The following PREX2 variants were observed in gnomAD, a reference collection of about 807,000 sequenced individuals.
PREX2 encodes the protein phosphatidylinositol-3,4,5-trisphosphate dependent Rac exchange factor 2.
Under a neutral mutation model 203.2 loss-of-function variants are expected in PREX2, and 107 were observed. That is an observed-to-expected ratio of 0.53 (90% CI 0.45 to 0.62). PREX2 has a LOEUF of 0.62. PREX2 is among the 20% of genes least tolerant of loss of function. The pLI, the probability that PREX2 is intolerant of heterozygous loss-of-function variation, is 0.00. For synonymous variants in PREX2, 672 were observed against 663.6 expected, an observed-to-expected ratio of 1.01 and a Z score of -0.19; for missense variants, 1,777 against 1,955.9, an observed-to-expected ratio of 0.91 and a Z score of 1.72.
rs543432729 is a variant in PREX2 at position 68,149,619 on chromosome 8, C to T, written c.4231+3267C>T. ...TACAAAGAGGATAAATATTCAGGGCCACTTCTCTACACGCTCCCCACTGAC... is the reference window on the plus strand; with the variant it reads ...TACAAAGAGGATAAATATTCAGGGCTACTTCTCTACACGCTCCCCACTGAC... On this transcript the variant is annotated intron_variant, in intron 34 of 39. Transcript: ENST00000288368. Among the ~76,000 whole-genome samples the T allele has an allele frequency of 3.3e-5, 5 of 152,248 alleles. No individual in the cohort carries two copies. The South Asian group carries it at 1.0e-3, about 32-fold the overall frequency.
intron 5 of PREX2, among the ~76,000 whole-genome samples, chr8:68,028,799 G>T (rs1807803186): frequency 6.6e-6 from 1 of 152,058 alleles, no homozygotes; most frequent in African/African-American, 2.4e-5. Flanking sequence ...AGATTAAAAG[G>T]TTACATCATG....
chr8:68,005,188 A>T (rs1230595451), intron 1 of PREX2, among the ~76,000 whole-genome samples: 1 of 152,098 alleles, frequency 6.6e-6, no homozygotes, highest in African/African-American at 2.4e-5. Flanking sequence ...CGGGCCCAAA[A>T]TGTAGGCAGC....
At chr8:68,206,618 G>C (rs1585864596) in intron 37 of PREX2, among the ~76,000 whole-genome samples, 1 of 152,184 alleles carries the variant, frequency 6.6e-6, no homozygotes, top group South Asian at 2.1e-4. Context: ...TTGAATTCAA[G>C]ACTAGGGTTT....
chr8:68,043,473 G>C (rs534750791), intron 7 of PREX2, among the ~76,000 whole-genome samples: 23 of 152,202 alleles, frequency 1.5e-4, no homozygotes, highest in African/African-American at 5.5e-4. Flanking sequence ...ACCAGGGCAG[G>C]TATCTAACTG....
chr8:68,110,281 A>G (rs1810510776), intron 25 of PREX2, among the ~76,000 whole-genome samples: 1 of 152,250 alleles, frequency 6.6e-6, no homozygotes, highest in African/African-American at 2.4e-5. Flanking sequence ...ATCATGGTAT[A>G]GGACGATGCT....
chr8:68,219,644 T>A (rs1585872543), intron 38 of PREX2, among the ~76,000 whole-genome samples: 1 of 152,152 alleles, frequency 6.6e-6, no homozygotes, highest in African/African-American at 2.4e-5. Flanking sequence ...AGAAATAAGG[T>A]TTAACTTCTT....
At chr8:68,195,792 A>G (rs1166187652) in intron 37 of PREX2, among the ~76,000 whole-genome samples, 3 of 152,332 alleles carry the variant, frequency 2.0e-5, no homozygotes, top group South Asian at 2.1e-4. Flanking sequence ...TGGTATCTAC[A>G]TTAGATAGTC....
intron 20 of PREX2, among the ~76,000 whole-genome samples, chr8:68,090,981 C>G (rs982957128): frequency 5.9e-5 from 9 of 152,144 alleles, no homozygotes; most frequent in Admixed American, 5.9e-4. Flanking sequence ...GATACAAGTT[C>G]TATCAAATTG....
At chr8:67,969,481 C>G (rs1206872197) in intron 1 of PREX2, among the ~76,000 whole-genome samples, 13 of 151,920 alleles carry the variant, frequency 8.6e-5, no homozygotes, top group African/African-American at 2.9e-4. Context: ...GAGGGATGGA[C>G]CATCCCATAA....
chr8:68,206,995 G>A (rs866361150), intron 37 of PREX2, among the ~76,000 whole-genome samples: 2 of 152,186 alleles, frequency 1.3e-5, no homozygotes, highest in Admixed American at 6.5e-5. Context: ...TGGAGAGGAA[G>A]AATATATACT....
rs1809844973 is a variant in PREX2 at position 68,090,706 on chromosome 8, G to A, written c.2241G>A (p.Arg747=). 1 of 1,613,084 alleles carries A rather than the reference G, an allele frequency of 6.2e-7. No individual in the cohort carries two copies. The highest frequency in any genetic ancestry group is 1.3e-5 in the African/African-American group (1 of 75,034). ...AHVTACRKYR[R]PTKQDSIQWV... ...TTACAGCCTGCAGGAAGTACAGGCG[G>A]CCAACGAAGGTAAGTGGCCCTTCAG... The change falls in exon 20 of 40, where the codon CGG becomes CGA. Residue 747 remains arginine (R), a synonymous_variant. Transcript: ENST00000288368.
intron 1 of PREX2, among the ~76,000 whole-genome samples, chr8:67,962,630 A>C (rs1220147487): frequency 6.6e-6 from 1 of 150,668 alleles, no homozygotes; most frequent in African/African-American, 2.4e-5. Context: ...TTTTTGAGAT[A>C]GAGTCTTGCT....
chr8:68,069,976 A>G, intron 13 of PREX2, 92 bp downstream of exon 13: 2 of 664,094 alleles, frequency 3.0e-6, no homozygotes. Context: ...TTGTTGGCTT[A>G]TTTTGTTTTT....
chr8:68,146,017 G>A (rs1811319135), intron 33 of PREX2, among the ~76,000 whole-genome samples, 192 bp from the exon 34 acceptor site: 1 of 151,916 alleles, frequency 6.6e-6, no homozygotes, highest in South Asian at 2.1e-4. Context: ...CACATCCATT[G>A]CTTTAACTAT....
chr8:68,217,555 A>G, intron 37 of PREX2, 61 bp from the exon 38 acceptor site: 1 of 1,202,046 alleles, frequency 8.3e-7, no homozygotes, highest in South Asian at 1.2e-5. Context: ...AGTAATCCAC[A>G]TCATCTCAAA....
chr8:68,145,051 C>T (rs535787793), intron 33 of PREX2, among the ~76,000 whole-genome samples: 6 of 151,986 alleles, frequency 3.9e-5, no homozygotes, highest in South Asian at 2.1e-4. Flanking sequence ...CTAGAGGATA[C>T]GGATATTTAG....
chr8:67,977,018 T>G (rs770609420), intron 1 of PREX2, among the ~76,000 whole-genome samples: 9 of 152,210 alleles, frequency 5.9e-5, no homozygotes, highest in Non-Finnish European at 1.3e-4. Flanking sequence ...AAGTGTGGCA[T>G]AGTTTGTTAT....
In PREX2 at chr8:68,076,227, C is replaced by T. The variant is rs148266051; in HGVS notation, c.1570-1170C>T. Among the ~76,000 whole-genome samples the T allele has an allele frequency of 7.5e-4, 114 of 152,146 alleles. 2 individuals carry two copies. In the East Asian group the frequency reaches 0.02, roughly 27 times the overall value. ...ATCCCAGCACTTTGGGAGGTTGAGG[C>T]GAGTGGATCACCTGAGGTTAGGAGT... is the stretch of plus-strand genomic sequence containing the variant. On this transcript the variant is annotated intron_variant, in intron 14 of 39. Transcript: ENST00000288368.
intron 37 of PREX2, among the ~76,000 whole-genome samples, chr8:68,193,222 A>G (rs1812331270): frequency 6.6e-6 from 1 of 152,224 alleles, no homozygotes; most frequent in South Asian, 2.1e-4. Flanking sequence ...AGGAAATAGA[A>G]TCAAGTAAAT....
Sources: gnomAD v4.1 joint callset for allele counts (sites outside exome capture counted in the v4.1 genomes callset) on GRCh38, gnomAD v4.1.1 for gene constraint, MANE v1.5 for transcripts, NCBI Gene and HGNC (gene_info 2026-07-23, HGNC 2026-07-21) for gene names.